Variants in UNC5D observed in about 807,000 individuals in gnomAD.
UNC5D encodes unc-5 netrin receptor D.
Under a neutral mutation model 105.4 loss-of-function variants are expected in UNC5D, and 39 were observed. The ratio of observed to expected loss-of-function variants is 0.37; its 90% CI spans 0.29 to 0.48. The LOEUF (loss-of-function observed/expected upper bound fraction) is 0.48. Among genes scored for constraint, UNC5D ranks in the 20% least tolerant of loss-of-function variants. UNC5D has a pLI of 0.98. For missense variants in UNC5D, 991 were observed against 1,202.4 expected, an observed-to-expected ratio of 0.82 and a Z score of 2.60; for synonymous variants, 452 against 450.4, an observed-to-expected ratio of 1.00 and a Z score of -0.04.
chr8:35,272,842 G>A (rs921944450), intron 1 of UNC5D, among the ~76,000 whole-genome samples: 2 of 152,206 alleles, frequency 1.3e-5, no homozygotes, highest in Non-Finnish European at 2.9e-5. Context: ...CAAGGGTGGT[G>A]ATGTCCAGTC....
At chr8:35,559,620 C>G (rs1036791458) in intron 2 of UNC5D, among the ~76,000 whole-genome samples, 1 of 152,218 alleles carries the variant, frequency 6.6e-6, no homozygotes, top group Non-Finnish European at 1.5e-5. Flanking sequence ...TGAATGTTAA[C>G]TACTATTCCA....
At chr8:35,547,480 G>A (rs1360313305) in intron 1 of UNC5D, among the ~76,000 whole-genome samples, 1 of 151,948 alleles carries the variant, frequency 6.6e-6, no homozygotes, top group East Asian at 1.9e-4. Context: ...TTTATTTTTA[G>A]TAGAGACAGG....
chr8:35,308,944 C>G (rs1808654953), intron 1 of UNC5D, among the ~76,000 whole-genome samples: 1 of 152,084 alleles, frequency 6.6e-6, no homozygotes, highest in Non-Finnish European at 1.5e-5. Context: ...GGACATGAAG[C>G]TTGTGTCAAC....
intron 1 of UNC5D, among the ~76,000 whole-genome samples, chr8:35,391,712 T>A (rs1803786043): frequency 6.6e-6 from 1 of 152,068 alleles, no homozygotes; most frequent in Admixed American, 6.6e-5. Flanking sequence ...GGAAGCGTAT[T>A]TATAATTTAA....
At chr8:35,703,190 T>C (rs1827324644) in intron 7 of UNC5D, among the ~76,000 whole-genome samples, 1 of 152,110 alleles carries the variant, frequency 6.6e-6, no homozygotes, top group Non-Finnish European at 1.5e-5. Context: ...TAGGCATTTT[T>C]TTTTTTTTAC....
At chr8:35,749,220 T>C (rs781459787) in intron 12 of UNC5D, among the ~76,000 whole-genome samples, 3 of 152,148 alleles carry the variant, frequency 2.0e-5, no homozygotes, top group Non-Finnish European at 4.4e-5. Flanking sequence ...CCTGTGTGTA[T>C]GAGTGCAAAC....
chr8:35,729,552 A>G (rs2131567189), intron 10 of UNC5D, among the ~76,000 whole-genome samples: 1 of 152,330 alleles, frequency 6.6e-6, no homozygotes, highest in African/African-American at 2.4e-5. Flanking sequence ...GCAGAGAGGA[A>G]GTTTTAGGTC....
intron 1 of UNC5D, among the ~76,000 whole-genome samples, chr8:35,286,017 G>A (rs772569045): frequency 1.3e-5 from 2 of 152,036 alleles, no homozygotes; most frequent in Non-Finnish European, 2.9e-5. Flanking sequence ...ATATAGTAAC[G>A]ATTTATGAGG....
At chr8:35,630,985 C>A (rs1009947078) in intron 4 of UNC5D, among the ~76,000 whole-genome samples, 2 of 152,054 alleles carry the variant, frequency 1.3e-5, no homozygotes, top group African/African-American at 4.8e-5. Context: ...TTTGTGGAAA[C>A]ACAGAATGTT....
Position 35,790,887 on chromosome 8 carries a change from A to T in UNC5D, c.*324A>T. On this transcript the variant is annotated 3_prime_UTR_variant, in exon 17 of 17. Coordinates refer to ENST00000404895, the MANE Select transcript of UNC5D (RefSeq NM_080872.4). ...TGAGCTATGATAATGCTGGGAAGGC[A>T]GAGATTGATTAAGTGCATGCTTTGA... 2.8e-6 allele frequency: 1 copy of T among 356,726 alleles called. No homozygotes were observed. Among genetic ancestry groups the T allele is most frequent in the East Asian group, 5.5e-5 (1 of 18,124 alleles). The allele number at this position is 356,726 out of a possible 1,614,324, so 22.1% of individuals were successfully genotyped here. A position where few individuals can be genotyped will look rare whatever the true frequency, so the allele number is the denominator to read the frequency against.
intron 11 of UNC5D, among the ~76,000 whole-genome samples, chr8:35,733,597 A>G (rs1195217761): frequency 1.3e-5 from 2 of 152,176 alleles, no homozygotes; most frequent in African/African-American, 2.4e-5. Flanking sequence ...CATCACCTCC[A>G]CACACACAGA....
At chr8:35,588,777 A>G (rs1176658096) in intron 3 of UNC5D, among the ~76,000 whole-genome samples, 2 of 152,214 alleles carry the variant, frequency 1.3e-5, no homozygotes, top group Non-Finnish European at 2.9e-5. Flanking sequence ...GCAGTGGCTC[A>G]TGACTGTAAT....
intron 7 of UNC5D, among the ~76,000 whole-genome samples, chr8:35,702,415 A>C (rs12549774): frequency 0.046 from 6,963 of 152,060 alleles, 330 homozygotes; most frequent in Admixed American, 0.11. Flanking sequence ...TTTGTTTGAA[A>C]AGCTCCCCAG....
intron 1 of UNC5D, among the ~76,000 whole-genome samples, chr8:35,534,844 G>A (rs183734689): frequency 1.3e-5 from 2 of 152,088 alleles, no homozygotes; most frequent in Admixed American, 1.3e-4. Flanking sequence ...ATAGTGTAAT[G>A]ATATCAACAT....
chr8:35,362,602 T>C (rs1305859425), intron 1 of UNC5D, among the ~76,000 whole-genome samples: 5 of 152,222 alleles, frequency 3.3e-5, no homozygotes, highest in Non-Finnish European at 7.3e-5. Flanking sequence ...TTTTGAATTA[T>C]TCTCAGACTT....
intron 1 of UNC5D, among the ~76,000 whole-genome samples, chr8:35,336,471 G>A (rs1811050799): frequency 6.6e-6 from 1 of 152,148 alleles, no homozygotes; most frequent in Non-Finnish European, 1.5e-5. Context: ...AAGGAGAGGT[G>A]TGATTTTTTA....
At chr8:35,332,189 A>C (rs1046427741) in intron 1 of UNC5D, among the ~76,000 whole-genome samples, 23 of 152,340 alleles carry the variant, frequency 1.5e-4, no homozygotes, top group African/African-American at 4.3e-4. Context: ...TGATGCTAGG[A>C]GTATACATAC....
chr8:35,739,222 C>T (rs1829627325), intron 11 of UNC5D, among the ~76,000 whole-genome samples: 3 of 152,060 alleles, frequency 2.0e-5, no homozygotes, highest in African/African-American at 7.3e-5. Context: ...ACTCTATTCC[C>T]CAGTGAAATC....
At chr8:35,777,003 C>T (rs1802278916) in intron 16 of UNC5D, among the ~76,000 whole-genome samples, 1 of 152,290 alleles carries the variant, frequency 6.6e-6, no homozygotes, top group Non-Finnish European at 1.5e-5. Context: ...TGCCTGTAAT[C>T]CCAGCACTTT....
Sources: allele counts gnomAD v4.1 joint callset (sites outside exome capture counted in the v4.1 genomes callset), GRCh38; gene constraint gnomAD v4.1.1; transcripts MANE v1.5; gene names NCBI Gene and HGNC (gene_info 2026-07-23, HGNC 2026-07-21).